The following PHKB variants were observed in gnomAD, a reference collection of about 807,000 sequenced individuals.
PHKB encodes phosphorylase kinase regulatory subunit beta, also known as phosphorylase b kinase regulatory subunit beta.
Under a neutral mutation model 152.1 loss-of-function variants are expected in PHKB, and 122 were observed. The observed-to-expected ratio is 0.80, with a 90% CI of 0.69 to 0.93. The LOEUF is 0.93. Ranked by LOEUF, PHKB falls within the 40% of genes least tolerant of loss-of-function variation. The pLI, the probability that PHKB is intolerant of heterozygous loss-of-function variation, is 0.00. For synonymous variants in PHKB, 436 were observed against 464.9 expected (o/e 0.94, Z 0.80); for missense variants, 1,304 against 1,328.4 (o/e 0.98, Z 0.29).
intron 26 of PHKB, among the ~76,000 whole-genome samples, chr16:47,682,782 C>A (rs1973886772): frequency 6.6e-6 from 1 of 152,236 alleles, no homozygotes; most frequent in African/African-American, 2.4e-5. Context: ...CATTCTCTGT[C>A]CAGCTTTGTT....
At chr16:47,495,076 C>T (rs900794957) in intron 1 of PHKB, among the ~76,000 whole-genome samples, 1 of 152,004 alleles carries the variant, frequency 6.6e-6, no homozygotes, top group Non-Finnish European at 1.5e-5. Flanking sequence ...TACTTTTACC[C>T]TTTTCTGCTA....
chr16:47,671,681 G>A (rs994087906), intron 26 of PHKB, among the ~76,000 whole-genome samples: 2 of 152,138 alleles, frequency 1.3e-5, no homozygotes, highest in African/African-American at 2.4e-5. Flanking sequence ...TAATTCATCA[G>A]TTCTCATCCA....
intron 30 of PHKB, 28 bp downstream of exon 30, chr16:47,698,616 T>TC (rs1974195017): frequency 2.6e-6 from 4 of 1,513,200 alleles, no homozygotes; most frequent in Non-Finnish European, 3.5e-6. Flanking sequence ...TTTTTTTTTT[T>TC]TTTTTTGAGA....
intron 13 of PHKB, among the ~76,000 whole-genome samples, chr16:47,607,506 C>T (rs1972347796): frequency 6.6e-6 from 1 of 152,184 alleles, no homozygotes; most frequent in South Asian, 2.1e-4. Flanking sequence ...TAGCATGTTT[C>T]AGCGATTCAT....
chr16:47,690,501 AAG>A (rs1974040996), intron 27 of PHKB, among the ~76,000 whole-genome samples: 2 of 152,340 alleles, frequency 1.3e-5, no homozygotes, highest in Middle Eastern at 3.4e-3. Context: ...ATATGCCACA[AAG>A]AGCTTATAAC....
intron 2 of PHKB, among the ~76,000 whole-genome samples, 168 bp downstream of exon 2, chr16:47,497,656 C>G (rs1472388976): frequency 1.3e-5 from 2 of 152,116 alleles, no homozygotes; most frequent in Non-Finnish European, 2.9e-5. Context: ...GATATCAGGA[C>G]TATAAAAGGA....
chr16:47,687,287 T>A (rs1973981566), intron 26 of PHKB, among the ~76,000 whole-genome samples: 2 of 152,230 alleles, frequency 1.3e-5, no homozygotes, highest in Non-Finnish European at 2.9e-5. Flanking sequence ...GAGTAGTTTA[T>A]TGTAACTAAA....
At chr16:47,480,790 C>A (rs1343302436) in intron 1 of PHKB, among the ~76,000 whole-genome samples, 1 of 151,998 alleles carries the variant, frequency 6.6e-6, no homozygotes, top group African/African-American at 2.4e-5. Flanking sequence ...CACCCATAGT[C>A]ACATTCTTTC....
At chr16:47,670,623 G>A (rs1459400625) in intron 26 of PHKB, among the ~76,000 whole-genome samples, 2 of 152,084 alleles carry the variant, frequency 1.3e-5, no homozygotes, top group Admixed American at 6.5e-5. Flanking sequence ...CCAAGTGGCT[G>A]GGATTACAAG....
chr16:47,587,646 G>A (rs766960617), intron 8 of PHKB, 22 bp from the exon 9 acceptor site: 3 of 1,581,742 alleles, frequency 1.9e-6, no homozygotes, highest in Non-Finnish European at 2.6e-6. Context: ...TTTAGGAAAT[G>A]TTTTTCTTTT....
chr16:47,573,421 T>C (rs1971696012), intron 7 of PHKB, among the ~76,000 whole-genome samples: 1 of 152,134 alleles, frequency 6.6e-6, no homozygotes, highest in Non-Finnish European at 1.5e-5. Flanking sequence ...CCCTGGCCAC[T>C]GGGGTAATGT....
intron 6 of PHKB, among the ~76,000 whole-genome samples, chr16:47,517,855 G>A (rs943661064): frequency 6.6e-6 from 1 of 152,008 alleles, no homozygotes; most frequent in Non-Finnish European, 1.5e-5. Context: ...CCTTCAATAT[G>A]TACACTTAAA....
chr16:47,671,122 A>G (rs1973630685), intron 26 of PHKB, among the ~76,000 whole-genome samples: 2 of 152,208 alleles, frequency 1.3e-5, no homozygotes, highest in Admixed American at 1.3e-4. Flanking sequence ...CAAAGCATAA[A>G]CACAGTACTG....
chr16:47,678,922 T>C (rs1428586356), intron 26 of PHKB, among the ~76,000 whole-genome samples: 1 of 152,252 alleles, frequency 6.6e-6, no homozygotes, highest in Non-Finnish European at 1.5e-5. Context: ...TGTAAGTCTT[T>C]AATCCATCTT....
intron 4 of PHKB, among the ~76,000 whole-genome samples, chr16:47,507,492 A>G (rs1970440330): frequency 2.0e-5 from 3 of 151,978 alleles, no homozygotes; most frequent in South Asian, 2.1e-4. Context: ...TTCTTTTGAT[A>G]CAGTTTGAGT....
chr16:47,594,362 A>G (rs1012148584), intron 12 of PHKB, 148 bp downstream of exon 12: 1 of 638,756 alleles, frequency 1.6e-6, no homozygotes, highest in Non-Finnish European at 2.8e-6. Flanking sequence ...AAAGAAGATT[A>G]AGCAAGACAA....
chr16:47,600,338 A>G (rs1366882691), intron 13 of PHKB, among the ~76,000 whole-genome samples: 1 of 152,162 alleles, frequency 6.6e-6, no homozygotes, highest in East Asian at 1.9e-4. Flanking sequence ...TATTTTCTAT[A>G]TAGCTGGTAA....
rs554187465 is a variant in PHKB, at chr16:47,536,161, C to G, written c.595-11272C>G. On this transcript the variant is annotated intron_variant, in intron 6 of 30. Transcript: ENST00000323584. Reference sequence around the variant, plus strand: ...CCGGCTCCCGTGTTCAAGCGATTCTCCTGTCTCAGCCTCCCAAGTAGCTGG... The same window carrying G: ...CCGGCTCCCGTGTTCAAGCGATTCTGCTGTCTCAGCCTCCCAAGTAGCTGG... Among the ~76,000 whole-genome samples, 29 of 152,280 alleles carry G rather than the reference C, an allele frequency of 1.9e-4. No homozygotes were observed. In the East Asian group the frequency reaches 3.9e-3, roughly 20 times the overall value.
chr16:47,529,874 T>C (rs1970831326), intron 6 of PHKB: 1 of 152,124 alleles, frequency 6.6e-6, no homozygotes, highest in Admixed American at 6.5e-5. Flanking sequence ...AAGGATGATT[T>C]AAAATGGGAA....
Sources: gnomAD v4.1 joint callset for allele counts (sites outside exome capture counted in the v4.1 genomes callset) on GRCh38, gnomAD v4.1.1 for gene constraint, MANE v1.5 for transcripts, NCBI Gene and HGNC (gene_info 2026-07-23, HGNC 2026-07-21) for gene names.